Variants in CRTAP observed in about 807,000 individuals in gnomAD.
CRTAP encodes the protein cartilage associated protein, also known as cartilage-associated protein.
A neutral mutation model predicts 42.7 loss-of-function variants in CRTAP; 33 were observed. That is an observed-to-expected ratio of 0.77 (90% CI 0.59 to 1.03). CRTAP has a LOEUF of 1.03. CRTAP is among the 50% of genes least tolerant of loss of function. The pLI is 0.00. For synonymous variants in CRTAP, 243 were observed against 217.7 expected, an observed-to-expected ratio of 1.12 and a Z score of -1.02; for missense variants, 613 against 533.9, an observed-to-expected ratio of 1.15 and a Z score of -1.46.
In CRTAP at chr3:33,114,464, C is replaced by T. The variant is rs778764392; in HGVS notation, c.387C>T (p.Phe129=). Residue 129 remains phenylalanine, a synonymous_variant, in exon 1 of 7, where the codon TTC becomes TTT. Coordinates refer to ENST00000320954, the MANE Select transcript of CRTAP (RefSeq NM_006371.5). ...LKRCKQGLPA[F]RQSQPSREVL... Reference sequence around the variant, plus strand: ...GCTGCAAGCAGGGCCTGCCAGCCTTCCGCCAGTCCCAGCCCAGCCGCGAGG... The same window carrying T: ...GCTGCAAGCAGGGCCTGCCAGCCTTTCGCCAGTCCCAGCCCAGCCGCGAGG... 6.3e-6 allele frequency: 10 copies of T among 1,592,896 alleles called. No individual in the cohort carries two copies. Among genetic ancestry groups the T allele is most frequent in the Non-Finnish European group, 8.5e-6 (10 of 1,171,742 alleles).
intron 2 of CRTAP, among the ~76,000 whole-genome samples, chr3:33,124,090 A>T (rs902899377): frequency 6.6e-6 from 1 of 152,130 alleles, no homozygotes; most frequent in Admixed American, 6.6e-5. Flanking sequence ...TTTGTAGTCA[A>T]GTTTTTGCTG....
rs2029867484 is a variant in CRTAP at position 33,120,359 on chromosome 3, A to G, written c.487A>G (p.Lys163Glu). 6.2e-7 allele frequency: 1 copy of G among 1,614,178 alleles called. No homozygotes were observed. Among genetic ancestry groups the G allele is most frequent in the Admixed American group, 1.7e-5 (1 of 60,022 alleles). Residue 163 changes from lysine to glutamate, a missense_variant, in exon 2 of 7, where the codon AAA becomes GAA. Lys to Glu is a moderately conservative substitution (Grantham distance 56, BLOSUM62 1). Transcript: ENST00000320954. ...GTCCTTTTAGGCAAATAATCTCCCC[A>G]AAGCCATCGCCGCTGCTCACACCTT... ...FAYFKANNLPKAIAAAHTFLL... is the reference protein window; with the variant it reads ...FAYFKANNLPEAIAAAHTFLL...
At chr3:33,130,929 A>C (rs556194913) in intron 4 of CRTAP, among the ~76,000 whole-genome samples, 1 of 152,252 alleles carries the variant, frequency 6.6e-6, no homozygotes, top group South Asian at 2.1e-4. Context: ...CGTGGGAGAG[A>C]AGGAAGTTCA....
Position 33,124,421 on chromosome 3 carries a change from G to A in CRTAP, c.635G>A (p.Arg212Gln), listed in dbSNP as rs772985152. Residue 212 changes from arginine to glutamine, a missense_variant, in exon 3 of 7, where the codon CGA (arginine) becomes CAA (glutamine). Coordinates refer to ENST00000320954, the MANE Select transcript of CRTAP (RefSeq NM_006371.5). Reference sequence around the variant, plus strand: ...CATGCCTTTCAGAGCCTGTTCATCCGAGCAGTGCGGGCATACAACGGTGAG... The same window carrying A: ...CATGCCTTTCAGAGCCTGTTCATCCAAGCAGTGCGGGCATACAACGGTGAG... The part of the protein sequence containing the change: ...ETKSYESLFI[R>Q]AVRAYNGENW... 6.8e-6 allele frequency: 11 copies of A among 1,614,114 alleles called. No individual in the cohort carries two copies. Among genetic ancestry groups the A allele is most frequent in the Admixed American group, 6.7e-5 (4 of 60,012 alleles).
Position 33,134,248 on chromosome 3 carries a change from A to G in CRTAP, c.1135A>G (p.Ile379Val), listed in dbSNP as rs772687031. ...GCTGTATGACTTTGCTAAGGAAAAT[A>G]TAATGGATGATGATGAGGTAAGTTT... ...KELYDFAKENIMDDDEGEVVE... is the reference protein window; with the variant it reads ...KELYDFAKENVMDDDEGEVVE... Residue 379 changes from isoleucine to valine, a missense_variant, in exon 6 of 7, where the codon ATA becomes GTA. By Grantham distance (29) the Ile-to-Val change is conservative. Transcript: ENST00000320954. The G allele has an allele frequency of 1.2e-6, 2 of 1,607,902 alleles. No individual in the cohort carries two copies. The highest frequency in any genetic ancestry group is 1.7e-6 in the Non-Finnish European group (2 of 1,174,288).
intron 3 of CRTAP, among the ~76,000 whole-genome samples, chr3:33,125,852 A>G (rs1362079525): frequency 1.3e-5 from 2 of 152,238 alleles, no homozygotes; most frequent in Admixed American, 1.3e-4. Context: ...CAATCATTTC[A>G]GAAATGTCAT....
intron 3 of CRTAP, among the ~76,000 whole-genome samples, chr3:33,128,936 C>T (rs1173267524): frequency 6.6e-6 from 1 of 152,248 alleles, no homozygotes; most frequent in African/African-American, 2.4e-5. Context: ...CACGACTAGT[C>T]ATATGGCCCC....
At chr3:33,138,048 A>G (rs2030471947) in intron 6 of CRTAP, among the ~76,000 whole-genome samples, 1 of 152,044 alleles carries the variant, frequency 6.6e-6, no homozygotes, top group Non-Finnish European at 1.5e-5. Flanking sequence ...TATACCACTC[A>G]TCTTGATTTC....
intron 1 of CRTAP, among the ~76,000 whole-genome samples, chr3:33,118,210 C>T (rs1338234694): frequency 6.6e-6 from 1 of 150,956 alleles, no homozygotes; most frequent in Non-Finnish European, 1.5e-5. Flanking sequence ...CCACCCACCT[C>T]GACCTCCTAA....
chr3:33,129,152 A>G, intron 3 of CRTAP, among the ~76,000 whole-genome samples: 1 of 152,178 alleles, frequency 6.6e-6, no homozygotes, highest in East Asian at 1.9e-4. Flanking sequence ...AATTTCCTAG[A>G]AGTAGACAGC....
At chr3:33,120,582 C>G (rs117323176) in intron 2 of CRTAP, 89 bp downstream of exon 2, 2 of 1,545,548 alleles carry the variant, frequency 1.3e-6, no homozygotes, top group South Asian at 1.2e-5. Context: ...AGCTAAGGAC[C>G]TCTAGTGATT....
At position 33,114,657 on chromosome 3, in the gene CRTAP, C is replaced by G. The variant is rs528484543; in HGVS notation, c.471+109C>G. 2.6e-5 allele frequency: 26 copies of G among 1,013,114 alleles called. No homozygotes were observed. The African/African-American group carries it at 3.7e-4, about 14-fold the overall frequency. 62.8% of individuals were successfully genotyped at this position (1,013,114 alleles called of 1,614,324 possible). On this transcript the variant is annotated intron_variant, in intron 1 of 6. Transcript: ENST00000320954. Reference sequence around the variant, plus strand: ...CCGCGTTGCCCCTCCAGTTCTAGACCTGGCTCCCTCCCATCCAGCCCTGCC... The same window carrying G: ...CCGCGTTGCCCCTCCAGTTCTAGACGTGGCTCCCTCCCATCCAGCCCTGCC...
rs2030299458 is a variant in CRTAP, at chr3:33,132,611, A to G, written c.979A>G (p.Asn327Asp). 1 of 1,614,046 alleles carries G rather than the reference A, an allele frequency of 6.2e-7. No homozygotes were observed. The highest frequency in any genetic ancestry group is 1.1e-5 in the South Asian group (1 of 91,076). The change falls in exon 5 of 7, where the codon AAT becomes GAT. Residue 327 changes from asparagine to aspartate, a missense_variant. Physicochemically the swap from Asn to Asp is conservative, Grantham distance 23 (BLOSUM62 1). Coordinates refer to ENST00000320954, the MANE Select transcript of CRTAP (RefSeq NM_006371.5). ...CAVSYLLFDQ[N>D]DKVMQQNLVY... is the part of the protein sequence containing the mutation. The stretch of plus-strand genomic sequence containing the variant: ...AGTCAGCTATCTGCTCTTTGATCAG[A>G]ATGACAAGGTCATGCAGCAGAACCT...
intron 2 of CRTAP, among the ~76,000 whole-genome samples, chr3:33,121,903 C>A (rs544583194): frequency 6.6e-6 from 1 of 152,240 alleles, no homozygotes; most frequent in African/African-American, 2.4e-5. Flanking sequence ...AACTTGCAGC[C>A]CTGCTTCTAG....
chr3:33,124,953 A>C (rs2030017829), intron 3 of CRTAP, among the ~76,000 whole-genome samples: 1 of 152,208 alleles, frequency 6.6e-6, no homozygotes, highest in African/African-American at 2.4e-5. Context: ...AGGTAGAATG[A>C]ACCTTTAAGT....
chr3:33,123,270 C>T (rs954942447), intron 2 of CRTAP, among the ~76,000 whole-genome samples: 1 of 152,158 alleles, frequency 6.6e-6, no homozygotes, highest in Non-Finnish European at 1.5e-5. Context: ...GGATCTGTGT[C>T]TCCACCTAAA....
chr3:33,140,486 CTTAG>C (rs1296260827), intron 6 of CRTAP, among the ~76,000 whole-genome samples: 1 of 152,114 alleles, frequency 6.6e-6, no homozygotes, highest in Non-Finnish European at 1.5e-5. Context: ...TCATCAAATT[CTTAG>C]TTAGTCCTTC....
In CRTAP at chr3:33,143,281, T is replaced by G. The variant is rs754482104; in HGVS notation, c.*833T>G. 1 of 152,270 alleles carries G rather than the reference T, an allele frequency of 6.6e-6. No individual in the cohort carries two copies. Among genetic ancestry groups the G allele is most frequent in the African/African-American group, 2.4e-5 (1 of 41,460 alleles). 9.4% of individuals were successfully genotyped at this position (152,270 alleles called of 1,614,324 possible). A position where few individuals can be genotyped will look rare whatever the true frequency, so the allele number is the denominator to read the frequency against. On this transcript the variant is annotated 3_prime_UTR_variant, in exon 7 of 7. Transcript: ENST00000320954. ...AAATTTCTCCAGCCTCACAATGGTC[T>G]TCACTTGGTCTGACTTGTACCAATT...
intron 6 of CRTAP, among the ~76,000 whole-genome samples, chr3:33,135,104 A>G (rs2030383118): frequency 6.6e-6 from 1 of 152,222 alleles, no homozygotes; most frequent in Admixed American, 6.5e-5. Flanking sequence ...TTCTTTATCT[A>G]TAAAATGGGA....
Sources: allele counts gnomAD v4.1 joint callset (sites outside exome capture counted in the v4.1 genomes callset), GRCh38; gene constraint gnomAD v4.1.1; transcripts MANE v1.5; gene names NCBI Gene and HGNC (gene_info 2026-07-23, HGNC 2026-07-21).